COPS4: variants seen among roughly 807,000 people sequenced by gnomAD.
COPS4 encodes COP9 signalosome complex subunit 4.
A neutral mutation model predicts 55.1 loss-of-function variants in COPS4; 8 were observed. That is an observed-to-expected ratio of 0.15 (90% CI 0.09 to 0.26). The LOEUF is 0.26. Ranked by LOEUF, COPS4 falls within the 10% of genes least tolerant of loss-of-function variation. The pLI is 1.00. For missense variants in COPS4, 248 were observed against 484.0 expected (o/e 0.51, Z 4.58); for synonymous variants, 185 against 165.7 (o/e 1.12, Z -0.90).
At chr4:83,044,709 A>C (rs1298865949) in intron 1 of COPS4, among the ~76,000 whole-genome samples, 1 of 152,012 alleles carries the variant, frequency 6.6e-6, no homozygotes, top group Non-Finnish European at 1.5e-5. Context: ...TGGGAGGTGG[A>C]GGTTGCAGTG....
At chr4:83,048,449 C>G (rs1048177069) in intron 2 of COPS4, among the ~76,000 whole-genome samples, 15 of 152,098 alleles carry the variant, frequency 9.9e-5, no homozygotes, top group Admixed American at 7.9e-4. Context: ...AATTATTTTA[C>G]TGTTTTCTTT....
In COPS4 at chr4:83,049,151, T is replaced by C; in HGVS notation, c.155-15T>C. On this transcript the variant is annotated splice_polypyrimidine_tract_variant and intron_variant, in intron 2 of 9. Coordinates refer to ENST00000264389, the MANE Select transcript of COPS4 (RefSeq NM_016129.3). ...CAGCTCATGTTTTCTTATCTTTTTTTTTTTTTTAAACAAGTGGTAAATGAG... is the reference window on the plus strand; with the variant it reads ...CAGCTCATGTTTTCTTATCTTTTTTCTTTTTTTAAACAAGTGGTAAATGAG... 2 of 1,581,620 alleles carry C rather than the reference T, an allele frequency of 1.3e-6. No homozygotes were observed. Among genetic ancestry groups the C allele is most frequent in the South Asian group, 1.2e-5 (1 of 84,648 alleles).
At chr4:83,039,037 C>A (rs1038123804) in intron 1 of COPS4, among the ~76,000 whole-genome samples, 2 of 152,046 alleles carry the variant, frequency 1.3e-5, no homozygotes, top group African/African-American at 4.8e-5. Context: ...TGTCAGTTAC[C>A]CTTTGCTGTG....
intron 2 of COPS4, among the ~76,000 whole-genome samples, chr4:83,046,957 T>C (rs1463261668): frequency 6.6e-6 from 1 of 152,202 alleles, no homozygotes; most frequent in African/African-American, 2.4e-5. Context: ...TAATACCAGC[T>C]TGTATGGTAA....
intron 1 of COPS4, among the ~76,000 whole-genome samples, chr4:83,041,262 C>T (rs1730561004): frequency 6.6e-6 from 1 of 151,858 alleles, no homozygotes; most frequent in Non-Finnish European, 1.5e-5. Context: ...AGAGTTTCAC[C>T]ATGTTGGGCA....
At chr4:83,049,061 G>A in intron 2 of COPS4, 105 bp from the exon 3 acceptor site, 1 of 1,026,390 alleles carries the variant, frequency 9.7e-7, no homozygotes, top group Non-Finnish European at 1.4e-6. Context: ...ATTGAAGGCT[G>A]TACTAATATA....
At chr4:83,069,459 G>A (rs1340002361) in intron 9 of COPS4, among the ~76,000 whole-genome samples, 1 of 152,102 alleles carries the variant, frequency 6.6e-6, no homozygotes, top group Non-Finnish European at 1.5e-5. Context: ...AGAAGAGTCG[G>A]GCATCAGACA....
chr4:83,044,948 G>C (rs1429772035), intron 1 of COPS4, among the ~76,000 whole-genome samples: 1 of 152,212 alleles, frequency 6.6e-6, no homozygotes, highest in Non-Finnish European at 1.5e-5. Context: ...TCCTGTCCTC[G>C]TGGAGCTTGT....
At position 83,072,434 on chromosome 4, in the gene COPS4, A is replaced by G. The variant is rs919940614; in HGVS notation, c.1088-2863A>G. On this transcript the variant is annotated intron_variant, in intron 9 of 9. Transcript: ENST00000264389. ...TCTGTCAGGTTTTCTTCTGGAAGAC[A>G]ATACATAACATAAACACATTTTTAA... 5.3e-5 allele frequency among the ~76,000 whole-genome samples: 8 copies of G among 152,238 alleles called. No individual in the cohort carries two copies. The East Asian group carries it at 1.5e-3, about 29-fold the overall frequency.
intron 7 of COPS4, chr4:83,065,249 G>A (rs539142086): frequency 2.0e-4 from 84 of 429,622 alleles, no homozygotes; most frequent in African/African-American, 1.6e-3. Flanking sequence ...GTAGTTGGCT[G>A]TGTAAGTCTG....
At chr4:83,054,299 A>G (rs13102415) in intron 4 of COPS4, among the ~76,000 whole-genome samples, 151,504 of 152,198 alleles carry the variant, frequency 1, 75,406 homozygotes, top group Middle Eastern at 1. Flanking sequence ...CCAAGATCAC[A>G]CCACTGCACT....
intron 4 of COPS4, among the ~76,000 whole-genome samples, chr4:83,056,496 G>A (rs1731018199): frequency 6.6e-6 from 1 of 152,128 alleles, no homozygotes; most frequent in Non-Finnish European, 1.5e-5. Context: ...TTTGTGTAAT[G>A]CAGTAAAAAG....
intron 2 of COPS4, 60 bp from the exon 3 acceptor site, chr4:83,049,106 A>T: frequency 4.0e-6 from 6 of 1,485,178 alleles, no homozygotes; most frequent in Non-Finnish European, 5.5e-6. Flanking sequence ...GTAAAGGTTG[A>T]TTGTTTAATG....
intron 1 of COPS4, among the ~76,000 whole-genome samples, chr4:83,037,581 T>G (rs6843226): frequency 0.02 from 3,064 of 152,334 alleles, 54 homozygotes; most frequent in Non-Finnish European, 0.029. Flanking sequence ...TATTTATCCT[T>G]ACAACAACAT....
In COPS4 at chr4:83,036,286, G is replaced by T. The variant is rs1202113602; in HGVS notation, c.74+988G>T. Among the ~76,000 whole-genome samples, 6 of 150,040 alleles carry T rather than the reference G, an allele frequency of 4.0e-5. No homozygotes were observed. In the Admixed American group the frequency reaches 4.0e-4, roughly 10 times the overall value. On this transcript the variant is annotated intron_variant, in intron 1 of 9. Coordinates refer to ENST00000264389, the MANE Select transcript of COPS4 (RefSeq NM_016129.3). ...CCCCCCCCCGCCGCCACCCGTCTCC[G>T]TAAATAAATAAGTAAATAAAGTATG... is the stretch of plus-strand genomic sequence containing the variant.
intron 4 of COPS4, among the ~76,000 whole-genome samples, chr4:83,050,373 CT>C (rs1730861016): frequency 6.6e-6 from 1 of 152,134 alleles, no homozygotes; most frequent in Non-Finnish European, 1.5e-5. Context: ...TCTCGGCTCA[CT>C]GCAACCTCTG....
chr4:83,062,301 C>T (rs756962406), intron 6 of COPS4, among the ~76,000 whole-genome samples: 1 of 152,034 alleles, frequency 6.6e-6, no homozygotes. Context: ...TTCTTCCAAC[C>T]GCTTGTAACA....
chr4:83,071,507 C>T (rs1731431246), intron 9 of COPS4, among the ~76,000 whole-genome samples: 1 of 152,124 alleles, frequency 6.6e-6, no homozygotes, highest in African/African-American at 2.4e-5. Flanking sequence ...TTGCCTCAAA[C>T]TCCTGAGCTC....
intron 1 of COPS4, among the ~76,000 whole-genome samples, chr4:83,040,592 TCTC>T (rs201241386): frequency 0.01 from 1,546 of 152,272 alleles, 37 homozygotes; most frequent in African/African-American, 0.034. Flanking sequence ...GAGCCCACCT[TCTC>T]CTCCCTACAA....
Sources: gnomAD v4.1 joint callset for allele counts (sites outside exome capture counted in the v4.1 genomes callset) on GRCh38, gnomAD v4.1.1 for gene constraint, MANE v1.5 for transcripts, NCBI Gene and HGNC (gene_info 2026-07-23, HGNC 2026-07-21) for gene names.